NRXN3: variants seen among roughly 807,000 people sequenced by gnomAD.
NRXN3 encodes neurexin III.
NRXN3 carries 32 observed loss-of-function variants against 137.6 expected under a neutral mutation model. The observed-to-expected ratio is 0.23, with a 90% confidence interval of 0.18 to 0.31. The LOEUF (loss-of-function observed/expected upper bound fraction) is 0.31. NRXN3 is among the 10% of genes least tolerant of loss of function. The pLI is 1.00. For synonymous variants in NRXN3, 798 were observed against 784.5 expected (o/e 1.02, Z -0.29); for missense variants, 1,574 against 2,062.5 (o/e 0.76, Z 4.59).
chr14:79,294,764 C>G (rs547055870), intron 15 of NRXN3, among the ~76,000 whole-genome samples: 1 of 152,240 alleles, frequency 6.6e-6, no homozygotes, highest in African/African-American at 2.4e-5. Flanking sequence ...TTATTGAGTA[C>G]TTATGATGAG....
At chr14:79,068,298 G>A (rs933354491) in intron 15 of NRXN3, among the ~76,000 whole-genome samples, 1 of 151,888 alleles carries the variant, frequency 6.6e-6, no homozygotes, top group African/African-American at 2.4e-5. Context: ...TGGACAAAAG[G>A]GTTAAGTATA....
chr14:78,503,122 C>A (rs562649729), intron 4 of NRXN3, among the ~76,000 whole-genome samples: 19 of 152,188 alleles, frequency 1.2e-4, no homozygotes, highest in Non-Finnish European at 2.5e-4. Flanking sequence ...TTTTACCTGC[C>A]TAAATGACAT....
chr14:78,296,039 T>G (rs891391058), intron 3 of NRXN3, among the ~76,000 whole-genome samples: 2 of 150,470 alleles, frequency 1.3e-5, no homozygotes, highest in Non-Finnish European at 1.5e-5. Context: ...TTTCTTTTCT[T>G]TTTTTTTTCT....
chr14:78,700,903 C>G (rs758932933), intron 6 of NRXN3, among the ~76,000 whole-genome samples: 12 of 152,082 alleles, frequency 7.9e-5, no homozygotes, highest in Non-Finnish European at 1.5e-4. Context: ...TCCCGAGTAG[C>G]TGGGATTACA....
At chr14:79,363,922 T>C (rs2093779921) in intron 15 of NRXN3, among the ~76,000 whole-genome samples, 1 of 152,180 alleles carries the variant, frequency 6.6e-6, no homozygotes. Flanking sequence ...GACATGTTGA[T>C]ATGGTGAGCT....
intron 15 of NRXN3, among the ~76,000 whole-genome samples, chr14:79,354,387 A>C (rs2093344000): frequency 6.6e-6 from 1 of 152,192 alleles, no homozygotes; most frequent in African/African-American, 2.4e-5. Context: ...AAACACTATA[A>C]ATGTATCACC....
rs190587615 is a variant in NRXN3, at chr14:79,238,517, T to C, written c.3263-228704T>C. On this transcript the variant is annotated intron_variant, in intron 15 of 20. Transcript: ENST00000335750. ...TATCACTAGTTGGAAGTCTTGTACG[T>C]TCCAAGGTCAAGCGCTGTGATGTGA... Among the ~76,000 whole-genome samples, 29 of 152,212 alleles carry C rather than the reference T, an allele frequency of 1.9e-4. No homozygotes were observed. In the East Asian group the frequency reaches 5.4e-3, roughly 28 times the overall value.
chr14:78,829,178 A>C (rs903303589), intron 10 of NRXN3, among the ~76,000 whole-genome samples: 4 of 152,186 alleles, frequency 2.6e-5, no homozygotes, highest in African/African-American at 9.6e-5. Context: ...ACTGATCTAT[A>C]ATCAGAATTT....
chr14:78,675,707 T>C (rs528516406), intron 6 of NRXN3, among the ~76,000 whole-genome samples: 85 of 152,352 alleles, frequency 5.6e-4, no homozygotes, highest in South Asian at 1.2e-3. Flanking sequence ...CTGAAGTTTC[T>C]ATGGCGTCTT....
chr14:79,122,768 C>T (rs758990052), intron 15 of NRXN3, among the ~76,000 whole-genome samples: 12 of 152,136 alleles, frequency 7.9e-5, no homozygotes, highest in Admixed American at 3.3e-4. Flanking sequence ...GTGCCTATTA[C>T]GTGCCAGATC....
chr14:78,576,293 A>G (rs559317065), intron 4 of NRXN3, among the ~76,000 whole-genome samples: 3 of 152,306 alleles, frequency 2.0e-5, no homozygotes, highest in Non-Finnish European at 2.9e-5. Flanking sequence ...GTCTTGATTT[A>G]TCCATCTCAG....
intron 1 of NRXN3, among the ~76,000 whole-genome samples, chr14:78,192,356 T>G (rs2060828600): frequency 6.6e-6 from 1 of 152,108 alleles, no homozygotes; most frequent in African/African-American, 2.4e-5. Flanking sequence ...GGTACAGGGC[T>G]TGGGGTGGGG....
At chr14:79,775,553 G>GAAA (rs749252781) in intron 19 of NRXN3, among the ~76,000 whole-genome samples, 6 of 69,004 alleles carry the variant, frequency 8.7e-5, no homozygotes, top group African/African-American at 1.5e-4. Context: ...GGCTCTAACC[G>GAAA]AAAAAAAAAA....
At chr14:78,880,542 T>C (rs536554279) in intron 10 of NRXN3, among the ~76,000 whole-genome samples, 1 of 152,268 alleles carries the variant, frequency 6.6e-6, no homozygotes, top group South Asian at 2.1e-4. Flanking sequence ...CTTTTCCCAC[T>C]CCCTGGCTTT....
chr14:78,768,045 G>T (rs1413272737), intron 8 of NRXN3, among the ~76,000 whole-genome samples: 1 of 127,430 alleles, frequency 7.8e-6, no homozygotes. Context: ...CCAATTAGAT[G>T]ACAACATAAT....
In NRXN3 at chr14:79,608,069, A is replaced by C. The variant is rs568385259; in HGVS notation, c.3445-55709A>C. Among the ~76,000 whole-genome samples the C allele has an allele frequency of 7.9e-5, 12 of 152,318 alleles. No individual in the cohort carries two copies. In the South Asian group the frequency reaches 2.5e-3, roughly 32 times the overall value. On this transcript the variant is annotated intron_variant, in intron 16 of 20. Transcript: ENST00000335750. ...CCATTTATGTATTATAAAGCTGTCA[A>C]CATCTGGTTTTATTGATAAATATCC...
chr14:78,393,900 A>G (rs1413569245), intron 4 of NRXN3, among the ~76,000 whole-genome samples: 1 of 151,946 alleles, frequency 6.6e-6, no homozygotes, highest in Non-Finnish European at 1.5e-5. Context: ...CTACTTGTCC[A>G]TTGTTCATAT....
At chr14:79,133,509 C>T (rs1461541888) in intron 15 of NRXN3, among the ~76,000 whole-genome samples, 1 of 152,176 alleles carries the variant, frequency 6.6e-6, no homozygotes. Context: ...ACTCTCATTA[C>T]TACCTGTTAT....
intron 10 of NRXN3, among the ~76,000 whole-genome samples, chr14:78,890,898 C>G (rs1192320117): frequency 1.3e-5 from 2 of 151,908 alleles, no homozygotes; most frequent in Non-Finnish European, 2.9e-5. Context: ...ATAACAGAAG[C>G]CACTGAAGCA....
Sources: allele counts gnomAD v4.1 joint callset (sites outside exome capture counted in the v4.1 genomes callset), GRCh38; gene constraint gnomAD v4.1.1; transcripts MANE v1.5; gene names NCBI Gene and HGNC (gene_info 2026-07-23, HGNC 2026-07-21).